SLC44A1: variants seen among roughly 807,000 people sequenced by gnomAD.
The protein encoded by SLC44A1 is solute carrier family 44 member 1.
Under a neutral mutation model 79.3 loss-of-function variants are expected in SLC44A1, and 26 were observed. That is an observed-to-expected ratio of 0.33 (90% CI 0.24 to 0.46). The LOEUF (loss-of-function observed/expected upper bound fraction) is 0.46, where lower values mean the gene tolerates loss of function less well. Ranked by LOEUF, SLC44A1 falls within the 20% of genes least tolerant of loss-of-function variation. The pLI, the probability that SLC44A1 is intolerant of heterozygous loss-of-function variation, is 1.00. For synonymous variants in SLC44A1, 263 were observed against 286.2 expected (o/e 0.92, Z 0.82); for missense variants, 688 against 798.1 (o/e 0.86, Z 1.66).
chr9:105,365,437 G>A (rs1385344346), intron 10 of SLC44A1, 46 bp from the exon 11 acceptor site: 1 of 1,500,688 alleles, frequency 6.7e-7, no homozygotes, highest in South Asian at 1.2e-5. Context: ...TTTCCATCCT[G>A]ATCTAGGCTT....
At chr9:105,317,722 C>G (rs1588772116) in intron 3 of SLC44A1, among the ~76,000 whole-genome samples, 1 of 152,158 alleles carries the variant, frequency 6.6e-6, no homozygotes, top group East Asian at 1.9e-4. Flanking sequence ...GAAGGTGCTC[C>G]TGACTCTATC....
intron 15 of SLC44A1, among the ~76,000 whole-genome samples, chr9:105,419,332 T>G (rs1829214092): frequency 2.0e-5 from 3 of 152,196 alleles, no homozygotes; most frequent in Admixed American, 6.5e-5. Context: ...AAGTAAATTT[T>G]ATCTGTGTTT....
At chr9:105,429,772 C>T (rs1007879249) in intron 15 of SLC44A1, among the ~76,000 whole-genome samples, 25 of 152,034 alleles carry the variant, frequency 1.6e-4, no homozygotes, top group African/African-American at 6.0e-4. Context: ...TCTTCAAATA[C>T]GGAGAAGCCT....
At chr9:105,274,000 A>G (rs1425122224) in intron 1 of SLC44A1, among the ~76,000 whole-genome samples, 1 of 152,186 alleles carries the variant, frequency 6.6e-6, no homozygotes, top group East Asian at 1.9e-4. Context: ...CTTTATGCAT[A>G]TAAATATGTT....
At chr9:105,285,398 A>G (rs1830450026) in intron 1 of SLC44A1, among the ~76,000 whole-genome samples, 1 of 152,364 alleles carries the variant, frequency 6.6e-6, no homozygotes, top group South Asian at 2.1e-4. Context: ...TGTTAATAAC[A>G]TGCTATTCTT....
chr9:105,317,733 T>C (rs1297043094), intron 3 of SLC44A1, among the ~76,000 whole-genome samples: 5 of 152,190 alleles, frequency 3.3e-5, no homozygotes, highest in Non-Finnish European at 7.4e-5. Context: ...TGACTCTATC[T>C]TGTACTCCTG....
At chr9:105,291,700 T>C (rs1830604841) in intron 1 of SLC44A1, among the ~76,000 whole-genome samples, 1 of 152,176 alleles carries the variant, frequency 6.6e-6, no homozygotes. Context: ...TTCATCAGAA[T>C]CTGGGAAAAG....
intron 15 of SLC44A1, among the ~76,000 whole-genome samples, chr9:105,414,055 T>TG (rs1285535174): frequency 3.3e-5 from 5 of 151,836 alleles, no homozygotes; most frequent in African/African-American, 9.7e-5. Context: ...GTTTGGTTTT[T>TG]TTTTTTTTTG....
chr9:105,381,926 T>C (rs1365562297), intron 13 of SLC44A1, among the ~76,000 whole-genome samples: 1 of 152,246 alleles, frequency 6.6e-6, no homozygotes, highest in Non-Finnish European at 1.5e-5. Flanking sequence ...TTCTTAATGC[T>C]AGACAAGAAG....
At chr9:105,406,210 TG>T (rs1487894449) in intron 15 of SLC44A1, among the ~76,000 whole-genome samples, 1 of 149,988 alleles carries the variant, frequency 6.7e-6, no homozygotes, top group Non-Finnish European at 1.5e-5. Context: ...GAGACTTCAG[TG>T]GCCACACACA....
intron 13 of SLC44A1, among the ~76,000 whole-genome samples, chr9:105,382,452 A>C (rs1475562153): frequency 6.6e-6 from 1 of 152,232 alleles, no homozygotes; most frequent in African/African-American, 2.4e-5. Flanking sequence ...TATACACTTC[A>C]TGGCAAATTA....
At chr9:105,416,025 C>T (rs1397625658) in intron 15 of SLC44A1, among the ~76,000 whole-genome samples, 1 of 151,570 alleles carries the variant, frequency 6.6e-6, no homozygotes, top group African/African-American at 2.4e-5. Context: ...CGTCAGCCTC[C>T]CAAGTAGCTG....
At chr9:105,244,957 GTCGCGCGGCGGGCGCCCGCCGCC>G in intron 1 of SLC44A1, 53 bp downstream of exon 1, 1 of 1,020,986 alleles carries the variant, frequency 9.8e-7, no homozygotes, top group Non-Finnish European at 1.2e-6. Context: ...CGTGCGCCGC[GTCGCGCGGCGGGCGCCCGCCGCC>G]CGATACCTCT....
At chr9:105,399,932 A>T (rs965851668), downstream of SLC44A1, among the ~76,000 whole-genome samples, 2 of 152,234 alleles carry the variant, frequency 1.3e-5, no homozygotes, top group Non-Finnish European at 1.5e-5. Flanking sequence ...GCAGTGGCTC[A>T]TGCCTGTAAT....
rs1246692479 is a variant in SLC44A1, at chr9:105,351,571, A to G, written c.500+3120A>G. 6.7e-4 allele frequency among the ~76,000 whole-genome samples: 81 copies of G among 120,944 alleles called. 1 individual carries two copies. Among genetic ancestry groups the G allele is most frequent in the South Asian group, 1.0e-3 (4 of 3,854 alleles). 79.3% of individuals were successfully genotyped at this position (120,944 alleles called of 152,430 possible). A position where few individuals can be genotyped will look rare whatever the true frequency, so the allele number is the denominator to read the frequency against. On this transcript the variant is annotated intron_variant, in intron 5 of 15. Coordinates refer to ENST00000374720, the MANE Select transcript of SLC44A1 (RefSeq NM_080546.5). ...AAGAAAGAAAGAGAGAAAGAGAGAA[A>G]GAGAGAAAGAGAGAAAGAGAGAAAG...
At chr9:105,271,738 C>T (rs1830082719) in intron 1 of SLC44A1, among the ~76,000 whole-genome samples, 1 of 152,134 alleles carries the variant, frequency 6.6e-6, no homozygotes, top group African/African-American at 2.4e-5. Context: ...CTCAGCCTCC[C>T]AGGTAGCTGG....
intron 1 of SLC44A1, among the ~76,000 whole-genome samples, chr9:105,260,335 T>A (rs901331477): frequency 3.9e-5 from 6 of 152,324 alleles, no homozygotes; most frequent in South Asian, 2.1e-4. Context: ...CCTTTAAAAT[T>A]TTTTTCACTA....
chr9:105,296,634 A>G lies in SLC44A1; in HGVS notation c.37-2586A>G, dbSNP rs185523788. 9.3e-4 allele frequency among the ~76,000 whole-genome samples: 141 copies of G among 152,338 alleles called. 1 individual carries two copies. The highest frequency in any genetic ancestry group is 1.7e-3 in the Non-Finnish European group (117 of 68,030). ...TTTGCTTTATAAACTACCATAGAGT[A>G]AACGTAATGAATATCAAACATGTGT... On this transcript the variant is annotated intron_variant, in intron 1 of 15. Transcript: ENST00000374720.
At chr9:105,266,482 A>G (rs1315895244) in intron 1 of SLC44A1, among the ~76,000 whole-genome samples, 1 of 152,214 alleles carries the variant, frequency 6.6e-6, no homozygotes, top group Non-Finnish European at 1.5e-5. Flanking sequence ...CAATCTTTAT[A>G]TAAGGTTTGA....
Sources: allele counts gnomAD v4.1 joint callset (sites outside exome capture counted in the v4.1 genomes callset), GRCh38; gene constraint gnomAD v4.1.1; transcripts MANE v1.5; gene names NCBI Gene and HGNC (gene_info 2026-07-23, HGNC 2026-07-21).